CPQ: variants seen among roughly 807,000 people sequenced by gnomAD.
CPQ encodes the protein carboxypeptidase Q, also known as Ser-Met dipeptidase.
CPQ carries 37 observed loss-of-function variants against 45.7 expected under a neutral mutation model. The observed-to-expected ratio is 0.81, with a 90% CI of 0.62 to 1.07. The LOEUF (loss-of-function observed/expected upper bound fraction) is 1.07. CPQ is among the 50% of genes least tolerant of loss of function. The pLI, the probability that CPQ is intolerant of heterozygous loss-of-function variation, is 0.00. For synonymous variants in CPQ, 186 were observed against 205.8 expected (o/e 0.90, Z 0.82); for missense variants, 537 against 572.9 (o/e 0.94, Z 0.64).
chr8:96,688,774 A>G (rs1425308972), intron 1 of CPQ, among the ~76,000 whole-genome samples: 5 of 152,120 alleles, frequency 3.3e-5, no homozygotes, highest in Admixed American at 2.6e-4. Flanking sequence ...TAGTATATCA[A>G]TTAGAATATT....
intron 7 of CPQ, among the ~76,000 whole-genome samples, chr8:97,123,194 TA>T (rs1410965277): frequency 1.5e-5 from 1 of 65,390 alleles, no homozygotes; most frequent in Non-Finnish European, 3.3e-5. Flanking sequence ...TAAAATAAAA[TA>T]AAATAAAATA....
At chr8:96,909,682 A>G (rs914429235) in intron 4 of CPQ, among the ~76,000 whole-genome samples, 1 of 152,136 alleles carries the variant, frequency 6.6e-6, no homozygotes, top group Non-Finnish European at 1.5e-5. Flanking sequence ...TAATAGCCCA[A>G]TGACATGAGT....
chr8:96,774,239 C>T (rs922312099), intron 1 of CPQ, among the ~76,000 whole-genome samples: 7 of 151,730 alleles, frequency 4.6e-5, no homozygotes, highest in African/African-American at 1.5e-4. Context: ...CCATTGCACT[C>T]CAGCCTGGGT....
At chr8:96,737,158 CTCTTT>C (rs965918374) in intron 1 of CPQ, among the ~76,000 whole-genome samples, 2 of 149,666 alleles carry the variant, frequency 1.3e-5, no homozygotes, top group Non-Finnish European at 3.0e-5. Flanking sequence ...TTCCTATTTG[CTCTTT>C]TCTTAACTTT....
At chr8:96,957,122 C>T (rs184855695) in intron 4 of CPQ, among the ~76,000 whole-genome samples, 1 of 152,298 alleles carries the variant, frequency 6.6e-6, no homozygotes, top group Non-Finnish European at 1.5e-5. Context: ...AAGTTGTTCT[C>T]AGGTGTCATC....
At chr8:96,724,155 C>G (rs764269798) in intron 1 of CPQ, among the ~76,000 whole-genome samples, 30 of 151,900 alleles carry the variant, frequency 2.0e-4, no homozygotes, top group Non-Finnish European at 3.4e-4. Flanking sequence ...TCTCTCCCTG[C>G]CCCCTTGCTG....
chr8:97,017,264 G>A (rs904491558), intron 5 of CPQ, among the ~76,000 whole-genome samples: 3 of 152,136 alleles, frequency 2.0e-5, no homozygotes, highest in Admixed American at 1.3e-4. Flanking sequence ...CTGTGGGCTC[G>A]CTGGCTCCCC....
intron 4 of CPQ, among the ~76,000 whole-genome samples, chr8:96,895,221 A>T (rs1289885420): frequency 1.3e-5 from 2 of 152,180 alleles, no homozygotes; most frequent in Non-Finnish European, 2.9e-5. Flanking sequence ...AATTAAAATT[A>T]ATACCTACTC....
chr8:96,917,442 G>C (rs1687552803), intron 4 of CPQ, among the ~76,000 whole-genome samples: 1 of 152,010 alleles, frequency 6.6e-6, no homozygotes, highest in Non-Finnish European at 1.5e-5. Flanking sequence ...TTGTTGTGGG[G>C]TTTTTTGGTT....
At chr8:96,938,999 T>G (rs1324323885) in intron 4 of CPQ, among the ~76,000 whole-genome samples, 2 of 152,198 alleles carry the variant, frequency 1.3e-5, no homozygotes, top group Admixed American at 6.5e-5. Context: ...ATTATTTTAT[T>G]CATTGGCTGC....
chr8:97,015,920 C>T (rs907889124), intron 5 of CPQ, among the ~76,000 whole-genome samples: 6 of 151,872 alleles, frequency 4.0e-5, no homozygotes, highest in South Asian at 4.2e-4. Flanking sequence ...AATTTTTGTA[C>T]GTACATATTT....
At chr8:96,681,890 C>T (rs938526040) in intron 1 of CPQ, among the ~76,000 whole-genome samples, 6 of 152,258 alleles carry the variant, frequency 3.9e-5, no homozygotes, top group African/African-American at 9.6e-5. Context: ...TGCTGGATTT[C>T]GGACTTGCAT....
intron 1 of CPQ, among the ~76,000 whole-genome samples, chr8:96,661,586 A>G (rs1815702538): frequency 6.6e-6 from 1 of 152,080 alleles, no homozygotes; most frequent in African/African-American, 2.4e-5. Context: ...ATATGCATTT[A>G]CTTCTCCTCC....
chr8:97,041,172 T>C (rs934825746), intron 6 of CPQ, among the ~76,000 whole-genome samples: 1 of 152,212 alleles, frequency 6.6e-6, no homozygotes, highest in African/African-American at 2.4e-5. Flanking sequence ...AGCAGGGGTT[T>C]GTAGTTCTCC....
chr8:96,855,655 C>G (rs2130863579), intron 3 of CPQ, among the ~76,000 whole-genome samples: 1 of 152,288 alleles, frequency 6.6e-6, no homozygotes, highest in Non-Finnish European at 1.5e-5. Flanking sequence ...CACTGGGAAT[C>G]CAATAGTGAC....
intron 2 of CPQ, among the ~76,000 whole-genome samples, chr8:96,813,648 C>G (rs1179165730): frequency 6.6e-6 from 1 of 152,066 alleles, no homozygotes; most frequent in African/African-American, 2.4e-5. Context: ...AAAACCAGGG[C>G]CTGAGTCTTG....
intron 7 of CPQ, among the ~76,000 whole-genome samples, chr8:97,117,016 A>T (rs1811606313): frequency 6.6e-6 from 1 of 152,158 alleles, no homozygotes; most frequent in Admixed American, 6.6e-5. Context: ...GCCTCTTGTT[A>T]TGGTTGGAGC....
At chr8:96,910,708 G>T (rs1226682324) in intron 4 of CPQ, among the ~76,000 whole-genome samples, 1 of 152,124 alleles carries the variant, frequency 6.6e-6, no homozygotes, top group Non-Finnish European at 1.5e-5. Flanking sequence ...GTTTCACCGT[G>T]TTAGCCAGGA....
intron 1 of CPQ, among the ~76,000 whole-genome samples, chr8:96,728,461 A>C (rs1809871549): frequency 6.6e-6 from 1 of 152,128 alleles, no homozygotes; most frequent in Non-Finnish European, 1.5e-5. Flanking sequence ...CTAAAACAGC[A>C]GTTTTTTGAT....
Sources: allele counts gnomAD v4.1 joint callset (sites outside exome capture counted in the v4.1 genomes callset), GRCh38; gene constraint gnomAD v4.1.1; transcripts MANE v1.5; gene names NCBI Gene and HGNC (gene_info 2026-07-23, HGNC 2026-07-21).